The following DIAPH2 variants were observed in gnomAD, a reference collection of about 807,000 sequenced individuals.
DIAPH2 encodes diaphanous related formin 2.
In DIAPH2, 35 loss-of-function variants were observed where a neutral mutation model predicts 92.7. That is an observed-to-expected ratio of 0.38 (90% CI 0.29 to 0.50). The LOEUF is 0.50. Ranked by LOEUF, DIAPH2 falls within the 20% of genes least tolerant of loss-of-function variation. The pLI, the probability that DIAPH2 is intolerant of heterozygous loss-of-function variation, is 0.94. For missense variants in DIAPH2, 701 were observed against 819.5 expected (o/e 0.86, Z 1.77); for synonymous variants, 301 against 280.4 (o/e 1.07, Z -0.73).
intron 26 of DIAPH2, among the ~76,000 whole-genome samples, chrX:97,502,370 T>C (rs1176637345): frequency 8.9e-6 from 1 of 112,377 alleles, no homozygotes; most frequent in Non-Finnish European, 1.9e-5. Flanking sequence ...TGATGAACCC[T>C]TGGAGAACCA....
chrX:97,053,042 C>T (rs991013593), intron 17 of DIAPH2, among the ~76,000 whole-genome samples: 1 of 111,175 alleles, frequency 9.0e-6, no homozygotes, highest in African/African-American at 3.3e-5. Context: ...TCTTTTCAGG[C>T]CCCATGAGAG....
chrX:97,209,363 C>T (rs2067821648), intron 22 of DIAPH2, among the ~76,000 whole-genome samples: 1 of 110,784 alleles, frequency 9.0e-6, no homozygotes, highest in Non-Finnish European at 1.9e-5. Flanking sequence ...AAGAACTGCT[C>T]ATAAAAACAA....
intron 24 of DIAPH2, among the ~76,000 whole-genome samples, chrX:97,361,716 G>A (rs183896565): frequency 8.9e-6 from 1 of 112,103 alleles, no homozygotes; most frequent in East Asian, 2.8e-4. Context: ...CACAATGGCT[G>A]TAGTTGTTCC....
chrX:97,303,142 T>G (rs1192228168), intron 23 of DIAPH2, among the ~76,000 whole-genome samples: 1 of 112,747 alleles, frequency 8.9e-6, no homozygotes, highest in Admixed American at 9.4e-5. Context: ...TTCTTTTCTT[T>G]TACTTTTCAT....
chrX:97,307,999 T>C (rs1337517050), intron 23 of DIAPH2, among the ~76,000 whole-genome samples: 2 of 110,925 alleles, frequency 1.8e-5, no homozygotes, highest in Non-Finnish European at 3.8e-5. Flanking sequence ...TAGTTGTTTC[T>C]ACTGAGTATG....
At chrX:97,486,904 T>C (rs1412436070) in intron 26 of DIAPH2, among the ~76,000 whole-genome samples, 3 of 112,178 alleles carry the variant, frequency 2.7e-5, no homozygotes, top group African/African-American at 9.7e-5. Flanking sequence ...TTTATACCTG[T>C]TGAACAGCAA....
chrX:97,272,125 A>G (rs1036410190), intron 23 of DIAPH2, among the ~76,000 whole-genome samples: 4 of 110,388 alleles, frequency 3.6e-5, no homozygotes, highest in Non-Finnish European at 7.6e-5. Flanking sequence ...CAGCCTCCCA[A>G]GTAGCTGGGA....
chrX:97,593,713 A>G (rs2071532353), intron 26 of DIAPH2, among the ~76,000 whole-genome samples: 1 of 111,691 alleles, frequency 9.0e-6, no homozygotes. Flanking sequence ...ACAAAGGAAA[A>G]TATTTCTAAT....
intron 26 of DIAPH2, chrX:97,449,537 G>A (rs575069172): frequency 6.2e-4 from 103 of 165,371 alleles, no homozygotes; most frequent in Non-Finnish European, 8.9e-4. Flanking sequence ...CAATATAGAT[G>A]TATTATATTT....
chrX:96,813,072 T>A (rs1008336802), intron 4 of DIAPH2, among the ~76,000 whole-genome samples: 2 of 111,557 alleles, frequency 1.8e-5, no homozygotes, highest in African/African-American at 6.5e-5. Flanking sequence ...GTGCTGGATA[T>A]CCTTGTTAAC....
chrX:96,739,971 C>T (rs373571521), intron 3 of DIAPH2, among the ~76,000 whole-genome samples: 3 of 112,245 alleles, frequency 2.7e-5, no homozygotes, highest in Non-Finnish European at 5.6e-5. Flanking sequence ...TCAACTATTA[C>T]GCTAATAGCC....
chrX:97,220,355 T>C (rs1416540549), intron 22 of DIAPH2, among the ~76,000 whole-genome samples: 3 of 107,731 alleles, frequency 2.8e-5, no homozygotes, highest in Admixed American at 1.0e-4. Flanking sequence ...TTATCAGTGC[T>C]TACAAGTTTT....
At chrX:96,751,556 G>A (rs1475237830) in intron 3 of DIAPH2, among the ~76,000 whole-genome samples, 1 of 100,346 alleles carries the variant, frequency 1.0e-5, no homozygotes, top group African/African-American at 3.6e-5. Flanking sequence ...AGCCTGGGTG[G>A]AAGAGCGAGA....
At chrX:97,525,793 C>T (rs1245800667) in intron 26 of DIAPH2, among the ~76,000 whole-genome samples, 1 of 111,969 alleles carries the variant, frequency 8.9e-6, no homozygotes, top group Admixed American at 9.5e-5. Flanking sequence ...CACATGTAGT[C>T]TCATATTCCA....
chrX:96,885,032 A>G (rs1237184707), intron 5 of DIAPH2: 6 of 1,211,202 alleles, frequency 5.0e-6, no homozygotes, highest in Non-Finnish European at 1.1e-6. Flanking sequence ...GCGATTGATT[A>G]TCTGACCGTT....
chrX:97,290,378 G>T (rs1190657721), intron 23 of DIAPH2, among the ~76,000 whole-genome samples: 1 of 111,369 alleles, frequency 9.0e-6, no homozygotes, highest in Non-Finnish European at 1.9e-5. Flanking sequence ...GGAACAGGGC[G>T]GGCAAAGCTG....
intron 3 of DIAPH2, among the ~76,000 whole-genome samples, chrX:96,745,853 A>C (rs2147579612): frequency 8.9e-6 from 1 of 112,110 alleles, no homozygotes; most frequent in South Asian, 3.7e-4. Context: ...GGGACTTTCT[A>C]AGTAATGGTA....
chrX:96,917,145 A>G (rs1377931256), intron 8 of DIAPH2, among the ~76,000 whole-genome samples: 1 of 111,510 alleles, frequency 9.0e-6, no homozygotes, highest in Non-Finnish European at 1.9e-5. Flanking sequence ...ATAATATTGA[A>G]TCAGAAGCAA....
rs758443838 is a variant in DIAPH2, at chrX:97,179,417, G to A, written c.2719+37623G>A. 4.5e-5 allele frequency among the ~76,000 whole-genome samples: 5 copies of A among 110,069 alleles called. No homozygotes were observed. In the East Asian group the frequency reaches 1.1e-3, roughly 25 times the overall value. On this transcript the variant is annotated intron_variant, in intron 22 of 26. Coordinates refer to ENST00000324765, the MANE Select transcript of DIAPH2 (RefSeq NM_006729.5). ...GATGTTCCCCTCCCTGTGTCCATGA[G>A]TTCTCATTGTTCAGCTCCCACTTAT...
Sources: gnomAD v4.1 joint callset for allele counts (sites outside exome capture counted in the v4.1 genomes callset) on GRCh38, gnomAD v4.1.1 for gene constraint, MANE v1.5 for transcripts, NCBI Gene and HGNC (gene_info 2026-07-23, HGNC 2026-07-21) for gene names.